The following DUSP7 variants were observed in gnomAD, a reference collection of about 807,000 sequenced individuals.
The protein encoded by DUSP7 is dual specificity phosphatase 7.
Under a neutral mutation model 29.8 loss-of-function variants are expected in DUSP7, and 7 were observed. That is an observed-to-expected ratio of 0.24 (90% confidence interval 0.13 to 0.44). The LOEUF (loss-of-function observed/expected upper bound fraction) is 0.44. Ranked by LOEUF, DUSP7 falls within the 20% of genes least tolerant of loss-of-function variation. DUSP7 has a pLI of 1.00. For synonymous variants in DUSP7, 287 were observed against 275.4 expected, an observed-to-expected ratio of 1.04 and a Z score of -0.42; for missense variants, 400 against 583.7, an observed-to-expected ratio of 0.69 and a Z score of 3.24.
chr3:52,054,083 C>A lies in DUSP7; in HGVS notation c.809G>T (p.Gly270Val), dbSNP rs1433360928. Reference protein sequence around the residue: ...STNLDVLGKYGIKYILNVTPN... With the variant: ...STNLDVLGKYVIKYILNVTPN... ...TGTGACATTGAGGATATACTTGATGCCATACTTGCCGAGCACGTCCAGGTT... is the reference window on the plus strand; with the variant it reads ...TGTGACATTGAGGATATACTTGATGACATACTTGCCGAGCACGTCCAGGTT... The change falls in exon 2 of 3, where the codon GGC (glycine) becomes GTC (valine). Residue 270 changes from glycine (G) to valine (V), a missense_variant. Physicochemically the swap from Gly to Val is moderately radical, Grantham distance 109. This residue lies in a region of DUSP7 where 223 missense variants were observed against 360.9 expected (regional missense o/e 0.62). Transcript: ENST00000495880. The surrounding 1 kb of genome is among the most constrained non-coding windows in gnomAD (Gnocchi z 4.1). 1 of 1,614,202 alleles carries A rather than the reference C, an allele frequency of 6.2e-7. No homozygotes were observed. The highest frequency in any genetic ancestry group is 1.3e-5 in the African/African-American group (1 of 75,050).
rs374371636 is a variant in DUSP7, at chr3:52,050,831, G to A, written c.1244C>T (p.Thr415Met). Reference protein sequence around the residue: ...PTNHNLFPLNTLEST With the variant: ...PTNHNLFPLNMLEST Reference sequence around the variant, plus strand: ...CACCAGGCCTCACGTGGACTCCAGCGTATTGAGTGGGAACAGGTTGTGGTT... The same window carrying A: ...CACCAGGCCTCACGTGGACTCCAGCATATTGAGTGGGAACAGGTTGTGGTT... The change falls in exon 3 of 3, where the codon ACG becomes ATG. Residue 415 changes from threonine to methionine, a missense_variant. Around this residue, in one of 4 missense-constraint regions of DUSP7, gnomAD observed 75 missense variants for 95.0 expected, o/e 0.79. Transcript: ENST00000495880. This position sits in a 1 kb window ranked among gnomAD's most constrained non-coding sequence, Gnocchi z 5.0. 3.0e-5 allele frequency: 48 copies of A among 1,612,392 alleles called. No homozygotes were observed. The highest frequency in any genetic ancestry group is 6.7e-5 in the East Asian group (3 of 44,856).
chr3:52,053,698 G>T lies in DUSP7; in HGVS notation c.952+242C>A. Reference sequence around the variant, plus strand: ...AGCTGGACAGCAGAGAGCCCATGACGTGCTGTCAGCTAGGGGGAGCTCAGG... The same window carrying T: ...AGCTGGACAGCAGAGAGCCCATGACTTGCTGTCAGCTAGGGGGAGCTCAGG... On this transcript the variant is annotated intron_variant, in intron 2 of 2. Coordinates refer to ENST00000495880, the MANE Select transcript of DUSP7 (RefSeq NM_001947.4). This position sits in a 1 kb window ranked among gnomAD's most constrained non-coding sequence, Gnocchi z 4.6. The T allele has an allele frequency of 1.8e-6, 1 of 561,352 alleles. No homozygotes were observed. The highest frequency in any genetic ancestry group is 1.9e-5 in the African/African-American group (1 of 53,280). The allele number at this position is 561,352 out of a possible 1,614,324, so 34.8% of individuals were successfully genotyped here.
At chr3:52,052,826 TG>T (rs1701859174) in intron 2 of DUSP7, 1 of 152,296 alleles carries the variant, frequency 6.6e-6, no homozygotes, top group Non-Finnish European at 1.5e-5. Context: ...CCTCCCTCGT[TG>T]GGGGAGTTCA....
In DUSP7 at chr3:52,053,869, G is replaced by C; in HGVS notation, c.952+71C>G. On this transcript the variant is annotated intron_variant, in intron 2 of 2. Transcript: ENST00000495880. The surrounding 1 kb of genome is among the most constrained non-coding windows in gnomAD (Gnocchi z 4.6). ...CAGGCCCAGAGGTACCCAGTCAGGC[G>C]GGGGCGCCACCCAGAGTCCTGCATA... is the stretch of plus-strand genomic sequence containing the variant. The C allele has an allele frequency of 6.4e-7, 1 of 1,559,048 alleles. No individual in the cohort carries two copies. The highest frequency in any genetic ancestry group is 8.8e-7 in the Non-Finnish European group (1 of 1,133,040).
rs1701820513 is a variant in DUSP7, at chr3:52,049,407, C to T, written c.*1408G>A. On this transcript the variant is annotated 3_prime_UTR_variant, in exon 3 of 3. Coordinates refer to ENST00000495880, the MANE Select transcript of DUSP7 (RefSeq NM_001947.4). ...CAAAACTGGAGGAAGATAACGGAAT[C>T]CGTGGCTTCGTTCTGTGGAGGCAGG... is the stretch of plus-strand genomic sequence containing the variant. The T allele has an allele frequency of 6.6e-6, 1 of 152,310 alleles. No homozygotes were observed. Among genetic ancestry groups the T allele is most frequent in the Non-Finnish European group, 1.5e-5 (1 of 68,120 alleles). The allele number at this position is 152,310 out of a possible 1,614,324, so 9.4% of individuals were successfully genotyped here.
In DUSP7 at chr3:52,050,545, G is replaced by A. The variant is rs1014004670; in HGVS notation, c.*270C>T. The A allele has an allele frequency of 2.0e-5, 9 of 441,606 alleles. No individual in the cohort carries two copies. Among genetic ancestry groups the A allele is most frequent in the South Asian group, 7.5e-5 (2 of 26,730 alleles). The allele number at this position is 441,606 out of a possible 1,614,324, so 27.4% of individuals were successfully genotyped here. A position where few individuals can be genotyped will look rare whatever the true frequency, so the allele number is the denominator to read the frequency against. ...GGCTGGGCTGTCAGCAGAAAGGAGC[G>A]TCCTGGACAGGATGAGGCCCTGGTG... On this transcript the variant is annotated 3_prime_UTR_variant, in exon 3 of 3. Transcript: ENST00000495880. The surrounding 1 kb of genome is among the most constrained non-coding windows in gnomAD (Gnocchi z 5.0).
rs1249400566 is a variant in DUSP7, at chr3:52,050,904, A to G, written c.1171T>C (p.Cys391Arg). The G allele has an allele frequency of 2.5e-6, 4 of 1,614,256 alleles. No individual in the cohort carries two copies. Among genetic ancestry groups the G allele is most frequent in the Non-Finnish European group, 3.4e-6 (4 of 1,180,040 alleles). Residue 391 changes from cysteine to arginine, a missense_variant, in exon 3 of 3, where the codon TGC (cysteine) becomes CGC (arginine). Physicochemically the swap from Cys to Arg is radical, Grantham distance 180 (BLOSUM62 -3). Coordinates refer to ENST00000495880, the MANE Select transcript of DUSP7 (RefSeq NM_001947.4). The surrounding 1 kb of genome is among the most constrained non-coding windows in gnomAD (Gnocchi z 5.0). Reference sequence around the variant, plus strand: ...TGCTCACTCGACGCGTGGTTGTCGCACGGGCTGCTTAGCCCCAGCGTCCGC... The same window carrying G: ...TGCTCACTCGACGCGTGGTTGTCGCGCGGGCTGCTTAGCCCCAGCGTCCGC... ...FERTLGLSSPCDNHASSEQLY... is the reference protein window; with the variant it reads ...FERTLGLSSPRDNHASSEQLY...
chr3:52,051,735 G>A lies in DUSP7; in HGVS notation c.953-613C>T, dbSNP rs1301409657. ...TGAGAGTCTTCTAGGAAAGTGGCCT[G>A]AGGGAGGCTCCTCTGGAAGGAAGTA... On this transcript the variant is annotated intron_variant, in intron 2 of 2. Transcript: ENST00000495880. The surrounding 1 kb of genome is among the most constrained non-coding windows in gnomAD (Gnocchi z 4.8). The A allele has an allele frequency of 6.6e-6, 1 of 152,488 alleles. No homozygotes were observed. Among genetic ancestry groups the A allele is most frequent in the African/African-American group, 2.4e-5 (1 of 41,468 alleles). The allele number at this position is 152,488 out of a possible 1,614,324, so 9.4% of individuals were successfully genotyped here. A position where few individuals can be genotyped will look rare whatever the true frequency, so the allele number is the denominator to read the frequency against.
chr3:52,050,858 G>C lies in DUSP7; in HGVS notation c.1217C>G (p.Thr406Ser), dbSNP rs536788717. ...ATTGAGTGGGAACAGGTTGTGGTTG[G>C]TGGGCGTGGAAAAGTAGAGCTGCTC... is the stretch of plus-strand genomic sequence containing the variant. ...SSEQLYFSTP[T>S]NHNLFPLNTL... Residue 406 changes from threonine (T) to serine (S), a missense_variant, in exon 3 of 3, where the codon ACC (threonine) becomes AGC (serine). By Grantham distance (58) the Thr-to-Ser change is moderately conservative (BLOSUM62 1). Coordinates refer to ENST00000495880, the MANE Select transcript of DUSP7 (RefSeq NM_001947.4). This position sits in a 1 kb window ranked among gnomAD's most constrained non-coding sequence, Gnocchi z 5.0. 6 of 1,614,110 alleles carry C rather than the reference G, an allele frequency of 3.7e-6. No individual in the cohort carries two copies. In the Admixed American group the frequency reaches 8.3e-5, roughly 22 times the overall value.
Position 52,055,971 on chromosome 3 carries a change from G to A in DUSP7, c.396C>T (p.Thr132=), listed in dbSNP as rs763652034. ...CCGTGGCCTCGTCGTAGAGCAGCAC[G>A]GTGGCCGCCTTGCAGCGCGTGGCGA... is the stretch of plus-strand genomic sequence containing the variant. The part of the protein sequence containing the change: ...ERFATRCKAA[T]VLLYDEATAE... The change falls in exon 1 of 3, where the codon ACC becomes ACT. Residue 132 remains threonine (T), a synonymous_variant. Transcript: ENST00000495880. The A allele has an allele frequency of 5.7e-6, 9 of 1,576,984 alleles. No homozygotes were observed. The highest frequency in any genetic ancestry group is 2.3e-5 in the South Asian group (2 of 87,024).
In DUSP7 at chr3:52,056,341, G is replaced by T. The variant is rs1269211669; in HGVS notation, c.26C>A (p.Pro9Gln). Residue 9 changes from proline to glutamine, a missense_variant, in exon 1 of 3, where the codon CCA becomes CAA. By Grantham distance (76) the Pro-to-Gln change is moderately conservative (BLOSUM62 -1). Around this residue, in one of 4 missense-constraint regions of DUSP7, gnomAD observed 96 missense variants for 97.1 expected, o/e 0.99. Coordinates refer to ENST00000495880, the MANE Select transcript of DUSP7 (RefSeq NM_001947.4). This position sits in a 1 kb window ranked among gnomAD's most constrained non-coding sequence, Gnocchi z 6.4. Reference protein sequence around the residue: MKNQLRGPPARAHMSTSGA... With the variant: MKNQLRGPQARAHMSTSGA... ...CGAAGTCGACATGTGCGCCCGCGCTGGGGGGCCGCGGAGCTGGTTTTTCAT... is the reference window on the plus strand; with the variant it reads ...CGAAGTCGACATGTGCGCCCGCGCTTGGGGGCCGCGGAGCTGGTTTTTCAT... The T allele has an allele frequency of 1.3e-5, 15 of 1,153,390 alleles. No homozygotes were observed. Among genetic ancestry groups the T allele is most frequent in the Non-Finnish European group, 1.6e-5 (15 of 939,828 alleles). 71.4% of individuals were successfully genotyped at this position (1,153,390 alleles called of 1,614,324 possible). A position where few individuals can be genotyped will look rare whatever the true frequency, so the allele number is the denominator to read the frequency against.
In DUSP7 at chr3:52,050,569, T is replaced by C. The variant is rs1701835250; in HGVS notation, c.*246A>G. ...CGTCCTGGACAGGATGAGGCCCTGGTGGACGCCCAAAGCCACGTGTCCAAG... is the reference window on the plus strand; with the variant it reads ...CGTCCTGGACAGGATGAGGCCCTGGCGGACGCCCAAAGCCACGTGTCCAAG... On this transcript the variant is annotated 3_prime_UTR_variant, in exon 3 of 3. Coordinates refer to ENST00000495880, the MANE Select transcript of DUSP7 (RefSeq NM_001947.4). This position sits in a 1 kb window ranked among gnomAD's most constrained non-coding sequence, Gnocchi z 5.0. The C allele has an allele frequency of 2.0e-6, 1 of 503,296 alleles. No individual in the cohort carries two copies. The highest frequency in any genetic ancestry group is 3.3e-5 in the East Asian group (1 of 30,302). The allele number at this position is 503,296 out of a possible 1,614,324, so 31.2% of individuals were successfully genotyped here.
In DUSP7 at chr3:52,051,499, T is replaced by G. The variant is rs2106891208; in HGVS notation, c.953-377A>C. The G allele has an allele frequency of 5.0e-6, 1 of 201,420 alleles. No homozygotes were observed. The highest frequency in any genetic ancestry group is 2.3e-5 in the African/African-American group (1 of 43,504). 12.5% of individuals were successfully genotyped at this position (201,420 alleles called of 1,614,324 possible). A position where few individuals can be genotyped will look rare whatever the true frequency, so the allele number is the denominator to read the frequency against. On this transcript the variant is annotated intron_variant, in intron 2 of 2. Coordinates refer to ENST00000495880, the MANE Select transcript of DUSP7 (RefSeq NM_001947.4). The surrounding 1 kb of genome is among the most constrained non-coding windows in gnomAD (Gnocchi z 4.8). Reference sequence around the variant, plus strand: ...TACCACTGCCATGTGCGTTAACGACTGCTGTCACGGGTGTCACCTGCATCC... The same window carrying G: ...TACCACTGCCATGTGCGTTAACGACGGCTGTCACGGGTGTCACCTGCATCC...
At position 52,054,124 on chromosome 3, in the gene DUSP7, G is replaced by A. The variant is rs758843197; in HGVS notation, c.768C>T (p.Cys256=). ...VQILPYLYLG[C]AKDSTNLDVL... ...CGTCCAGGTTGGTGGAGTCCTTGGC[G>A]CAGCCGAGGTAGAGGTAGGGCAGGA... The change falls in exon 2 of 3, where the codon TGC becomes TGT. Residue 256 remains cysteine, a synonymous_variant. Coordinates refer to ENST00000495880, the MANE Select transcript of DUSP7 (RefSeq NM_001947.4). The surrounding 1 kb of genome is among the most constrained non-coding windows in gnomAD (Gnocchi z 4.1). 2.4e-5 allele frequency: 38 copies of A among 1,614,094 alleles called. No individual in the cohort carries two copies. Among genetic ancestry groups the A allele is most frequent in the Middle Eastern group, 1.6e-4 (1 of 6,084 alleles).
chr3:52,050,887 C>G lies in DUSP7; in HGVS notation c.1188G>C (p.Ser396=), dbSNP rs149589220. The change falls in exon 3 of 3, where the codon TCG becomes TCC. Residue 396 remains serine, a synonymous_variant. Transcript: ENST00000495880. This position sits in a 1 kb window ranked among gnomAD's most constrained non-coding sequence, Gnocchi z 5.0. The part of the protein sequence containing the change: ...GLSSPCDNHA[S]SEQLYFSTPT... ...GCGTGGAAAAGTAGAGCTGCTCACT[C>G]GACGCGTGGTTGTCGCACGGGCTGC... 5 of 1,614,134 alleles carry G rather than the reference C, an allele frequency of 3.1e-6. No homozygotes were observed. In the African/African-American group the frequency reaches 4.0e-5, roughly 13 times the overall value.
chr3:52,054,259 G>A lies in DUSP7; in HGVS notation c.633C>T (p.Arg211=). 8 of 1,607,144 alleles carry A rather than the reference G, an allele frequency of 5.0e-6. No homozygotes were observed. Among genetic ancestry groups the A allele is most frequent in the Non-Finnish European group, 6.0e-6 (7 of 1,175,676 alleles). ...CGCCGTCGGAGCAGTCAGAGCTGATGCGCAGGCCCCCCAGGCCCAGCACTG... is the reference window on the plus strand; with the variant it reads ...CGCCGTCGGAGCAGTCAGAGCTGATACGCAGGCCCCCCAGGCCCAGCACTG... The part of the protein sequence containing the change: ...PTSVLGLGGL[R]ISSDCSDGES... The change falls in exon 2 of 3, where the codon CGC becomes CGT. Residue 211 remains arginine, a synonymous_variant. Coordinates refer to ENST00000495880, the MANE Select transcript of DUSP7 (RefSeq NM_001947.4). The surrounding 1 kb of genome is among the most constrained non-coding windows in gnomAD (Gnocchi z 4.1).
Position 52,050,869 on chromosome 3 carries a change from A to C in DUSP7, c.1206T>G (p.Phe402Leu). ...ACAGGTTGTGGTTGGTGGGCGTGGA[A>C]AAGTAGAGCTGCTCACTCGACGCGT... ...DNHASSEQLY[F>L]STPTNHNLFP... Residue 402 changes from phenylalanine (F) to leucine (L), a missense_variant, in exon 3 of 3, where the codon TTT becomes TTG. Phe to Leu is a conservative substitution (Grantham distance 22). This residue lies in a region of DUSP7 where 75 missense variants were observed against 95.0 expected (regional missense o/e 0.79). Coordinates refer to ENST00000495880, the MANE Select transcript of DUSP7 (RefSeq NM_001947.4). The surrounding 1 kb of genome is among the most constrained non-coding windows in gnomAD (Gnocchi z 5.0). The C allele has an allele frequency of 6.2e-7, 1 of 1,614,116 alleles. No individual in the cohort carries two copies. The highest frequency in any genetic ancestry group is 8.5e-7 in the Non-Finnish European group (1 of 1,179,936).
At position 52,056,303 on chromosome 3, in the gene DUSP7, C is replaced by T; in HGVS notation, c.64G>A (p.Ala22Thr). Residue 22 changes from alanine to threonine, a missense_variant, in exon 1 of 3, where the codon GCT (alanine) becomes ACT (threonine). Transcript: ENST00000495880. The surrounding 1 kb of genome is among the most constrained non-coding windows in gnomAD (Gnocchi z 6.4). Reference sequence around the variant, plus strand: ...TCGGACCCCGCCCGGGTGCCCCCAGCCGCCGCCGCCCCCGAAGTCGACATG... The same window carrying T: ...TCGGACCCCGCCCGGGTGCCCCCAGTCGCCGCCGCCCCCGAAGTCGACATG... ...AHMSTSGAAA[A>T]GGTRAGSEPG... is the part of the protein sequence containing the mutation. The T allele has an allele frequency of 8.4e-7, 1 of 1,193,692 alleles. No homozygotes were observed. Among genetic ancestry groups the T allele is most frequent in the Non-Finnish European group, 1.0e-6 (1 of 965,476 alleles). 73.9% of individuals were successfully genotyped at this position (1,193,692 alleles called of 1,614,324 possible).
rs767035476 is a variant in DUSP7, at chr3:52,051,113, C to T, written c.962G>A (p.Arg321His). 2.5e-6 allele frequency: 4 copies of T among 1,606,696 alleles called. No homozygotes were observed. The highest frequency in any genetic ancestry group is 1.7e-6 in the Non-Finnish European group (2 of 1,177,016). Reference protein sequence around the residue: ...PEAISFIDEARSKKCGVLVHC... With the variant: ...PEAISFIDEAHSKKCGVLVHC... ...CACCAGGACACCACACTTCTTGGAG[C>T]GGGCTTCGTCTGAAACACATTGGCA... Residue 321 changes from arginine (R) to histidine (H), a missense_variant, in exon 3 of 3, where the codon CGC becomes CAC. Coordinates refer to ENST00000495880, the MANE Select transcript of DUSP7 (RefSeq NM_001947.4). The surrounding 1 kb of genome is among the most constrained non-coding windows in gnomAD (Gnocchi z 4.8).
Sources: gnomAD v4.1 joint callset for allele counts on GRCh38, gnomAD v4.1.1 for gene constraint, gnomAD v4.1.1 regional missense constraint, Gnocchi (gnomAD v3.1) non-coding constraint, MANE v1.5 for transcripts, NCBI Gene and HGNC (gene_info 2026-07-23, HGNC 2026-07-21) for gene names.